The following FARS2 variants were observed in gnomAD, a reference collection of about 807,000 sequenced individuals.
FARS2 encodes phenylalanyl-tRNA synthetase 2, mitochondrial.
In FARS2, 40 loss-of-function variants were observed where a neutral mutation model predicts 46.4. The observed-to-expected ratio is 0.86, with a 90% CI of 0.67 to 1.12. The LOEUF (loss-of-function observed/expected upper bound fraction) is 1.12, where lower values mean the gene tolerates loss of function less well. Among genes scored for constraint, FARS2 ranks in the 50% most tolerant of loss-of-function variants. The pLI, the probability that FARS2 is intolerant of heterozygous loss-of-function variation, is 0.00. For missense variants in FARS2, 513 were observed against 567.9 expected (o/e 0.90, Z 0.98); for synonymous variants, 234 against 214.9 (o/e 1.09, Z -0.78).
Position 5,764,330 on chromosome 6 carries a change from G to C in FARS2, c.1218-6961G>C, listed in dbSNP as rs1762640488. Among the ~76,000 whole-genome samples, 1 of 152,030 alleles carries C rather than the reference G, an allele frequency of 6.6e-6. No individual in the cohort carries two copies. Among genetic ancestry groups the C allele is most frequent in the Non-Finnish European group, 1.5e-5 (1 of 68,010 alleles). On this transcript the variant is annotated intron_variant, in intron 6 of 6. Transcript: ENST00000274680. This position sits in a 1 kb window ranked among gnomAD's most constrained non-coding sequence, Gnocchi z 4.1. ...TGCCCATTCACTTCTATATTTTCAG[G>C]AGAGGCCATGGAACCTGTCCTCACT... is the stretch of plus-strand genomic sequence containing the variant.
In FARS2 at chr6:5,596,337, T is replaced by G. The variant is rs1182258634; in HGVS notation, c.1066-16832T>G. Among the ~76,000 whole-genome samples the G allele has an allele frequency of 2.6e-5, 4 of 152,312 alleles. No homozygotes were observed. The East Asian group carries it at 5.8e-4, about 22-fold the overall frequency. On this transcript the variant is annotated intron_variant, in intron 5 of 6. Coordinates refer to ENST00000274680, the MANE Select transcript of FARS2 (RefSeq NM_006567.5). ...GAGTGCAGTTGCTTCTGCACCCCCT[T>G]TCCCCGTCCACAAAATCTGGACAAC... is the stretch of plus-strand genomic sequence containing the variant.
the FARS2 span, among the ~76,000 whole-genome samples, chr6:5,255,809 A>AC: frequency 6.6e-6 from 1 of 151,902 alleles, no homozygotes. Context: ...GATGCCTAGC[A>AC]CCCCCTTTCC....
At chr6:5,582,691 C>G (rs1773404217) in intron 5 of FARS2, among the ~76,000 whole-genome samples, 1 of 152,226 alleles carries the variant, frequency 6.6e-6, no homozygotes, top group African/African-American at 2.4e-5. Context: ...ATGTAAAACT[C>G]TCCATGGCTC....
rs1003953397 is a variant in FARS2 at position 5,672,416 on chromosome 6, G to A, written c.1217+59096G>A. On this transcript the variant is annotated intron_variant, in intron 6 of 6. Coordinates refer to ENST00000274680, the MANE Select transcript of FARS2 (RefSeq NM_006567.5). ...CTCCCACTGTACCACAGTTGCTTCC[G>A]TTGGGTCCAGACTCTTCTGAAAACT... Among the ~76,000 whole-genome samples, 3 of 152,278 alleles carry A rather than the reference G, an allele frequency of 2.0e-5. 1 individual carries two copies. Among genetic ancestry groups the A allele is most frequent in the Non-Finnish European group, 2.9e-5 (2 of 68,020 alleles).
chr6:5,485,786 A>G (rs1359965204), intron 4 of FARS2, among the ~76,000 whole-genome samples: 2 of 152,210 alleles, frequency 1.3e-5, no homozygotes, highest in African/African-American at 4.8e-5. Context: ...CAGGGTGGCC[A>G]TGAGCCGCAC....
chr6:5,397,826 G>A (rs1004843803), intron 2 of FARS2, among the ~76,000 whole-genome samples: 13 of 152,068 alleles, frequency 8.5e-5, no homozygotes, highest in Admixed American at 6.5e-5. Context: ...TGACTTTGAT[G>A]TATTTGAAAG....
In FARS2 at chr6:5,686,831, G is replaced by A. The variant is rs1411773857; in HGVS notation, c.1217+73511G>A. On this transcript the variant is annotated intron_variant, in intron 6 of 6. Transcript: ENST00000274680. ...ACAGTCCCACCAATAGTGTGAAAGT[G>A]TTCCTATTTCTCCACATCCTCTCCA... Among the ~76,000 whole-genome samples the A allele has an allele frequency of 2.0e-5, 3 of 152,332 alleles. No homozygotes were observed. The East Asian group carries it at 5.8e-4, about 29-fold the overall frequency.
Position 5,404,651 on chromosome 6 carries a change from T to C in FARS2, c.722T>C (p.Phe241Ser). The part of the protein sequence containing the change: ...HTMEAVKLVE[F>S]DLKQTLTRLM... The stretch of plus-strand genomic sequence containing the variant: ...ATGGAGGCCGTGAAGCTTGTAGAGT[T>C]TGATCTTAAGCAAACGCTTACCAGG... Residue 241 changes from phenylalanine (F) to serine (S), a missense_variant, in exon 3 of 7, where the codon TTT becomes TCT. By Grantham distance (155) the Phe-to-Ser change is radical (BLOSUM62 -2). Transcript: ENST00000274680. 1 of 1,611,278 alleles carries C rather than the reference T, an allele frequency of 6.2e-7. No individual in the cohort carries two copies. Among genetic ancestry groups the C allele is most frequent in the Non-Finnish European group, 8.5e-7 (1 of 1,178,412 alleles).
intron 4 of FARS2, among the ~76,000 whole-genome samples, chr6:5,506,432 G>A (rs531864302): frequency 6.6e-6 from 1 of 152,282 alleles, no homozygotes; most frequent in South Asian, 2.1e-4. Context: ...CCCCACTGTT[G>A]GTCCAACATT....
At chr6:5,420,167 G>A (rs1762464531) in intron 3 of FARS2, among the ~76,000 whole-genome samples, 1 of 152,116 alleles carries the variant, frequency 6.6e-6, no homozygotes, top group African/African-American at 2.4e-5. Context: ...AACAAGAACA[G>A]CATGAGAAAG....
intron 4 of FARS2, among the ~76,000 whole-genome samples, chr6:5,451,047 C>G (rs906964875): frequency 1.3e-5 from 2 of 152,146 alleles, no homozygotes; most frequent in Non-Finnish European, 2.9e-5. Context: ...GTAAACACTT[C>G]AGGGTTTTCT....
intron 6 of FARS2, among the ~76,000 whole-genome samples, chr6:5,706,202 G>A (rs1467231565): frequency 6.6e-6 from 1 of 152,096 alleles, no homozygotes; most frequent in Admixed American, 6.5e-5. Context: ...TAATACTGCC[G>A]CTGATGTGAC....
chr6:5,481,736 C>CTGGGAATT (rs1177944353), intron 4 of FARS2, among the ~76,000 whole-genome samples: 1 of 149,698 alleles, frequency 6.7e-6, no homozygotes, highest in Non-Finnish European at 1.5e-5. Context: ...CAGCCTTTCC[C>CTGGGAATT]TGGGAATTTG....
Position 5,763,676 on chromosome 6 carries a change from G to C in FARS2, c.1218-7615G>C, listed in dbSNP as rs988117589. ...GCCTCCAGGCCTGTGTCCTCTTCTT[G>C]CATTAAGCCCAGAGCAGTTCATTAG... is the stretch of plus-strand genomic sequence containing the variant. On this transcript the variant is annotated intron_variant, in intron 6 of 6. Coordinates refer to ENST00000274680, the MANE Select transcript of FARS2 (RefSeq NM_006567.5). Among the ~76,000 whole-genome samples the C allele has an allele frequency of 3.3e-5, 5 of 151,640 alleles. 1 individual carries two copies. The highest frequency in any genetic ancestry group is 2.6e-4 in the Admixed American group (4 of 15,244).
chr6:5,455,604 A>G (rs760718879), intron 4 of FARS2, among the ~76,000 whole-genome samples: 5 of 152,212 alleles, frequency 3.3e-5, no homozygotes, highest in Non-Finnish European at 7.3e-5. Flanking sequence ...GGTTCTAAAC[A>G]TCTTTAGAAT....
chr6:5,470,225 A>G (rs1056696924), intron 4 of FARS2, among the ~76,000 whole-genome samples: 3 of 152,100 alleles, frequency 2.0e-5, no homozygotes, highest in African/African-American at 7.2e-5. Flanking sequence ...AATATTCAGG[A>G]AAAAAAATGC....
chr6:5,733,082 T>C (rs1435401080), intron 6 of FARS2, among the ~76,000 whole-genome samples: 1 of 152,230 alleles, frequency 6.6e-6, no homozygotes, highest in Admixed American at 6.5e-5. Context: ...AGGTTTTGTG[T>C]GATTTTAACT....
intron 2 of FARS2, among the ~76,000 whole-genome samples, chr6:5,383,910 G>C (rs1346575370): frequency 6.6e-6 from 1 of 152,148 alleles, no homozygotes; most frequent in East Asian, 1.9e-4. Context: ...CTGGCATCAT[G>C]AATGAGCTGT....
chr6:5,434,975 C>T (rs1431890578), intron 4 of FARS2, among the ~76,000 whole-genome samples: 1 of 152,150 alleles, frequency 6.6e-6, no homozygotes, highest in African/African-American at 2.4e-5. Flanking sequence ...TGCCAGCATC[C>T]CATAAAGCAT....
Sources: gnomAD v4.1 joint callset for allele counts (sites outside exome capture counted in the v4.1 genomes callset) on GRCh38, gnomAD v4.1.1 for gene constraint, Gnocchi (gnomAD v3.1) non-coding constraint, MANE v1.5 for transcripts, NCBI Gene and HGNC (gene_info 2026-07-23, HGNC 2026-07-21) for gene names.